GABRB3: variants seen among roughly 807,000 people sequenced by gnomAD.
The protein encoded by GABRB3 is gamma-aminobutyric acid receptor subunit beta-3.
A neutral mutation model predicts 52.1 loss-of-function variants in GABRB3; 14 were observed. The ratio of observed to expected loss-of-function variants is 0.27; its 90% CI spans 0.18 to 0.42. GABRB3 has a LOEUF of 0.42. Among genes scored for constraint, GABRB3 ranks in the 10% least tolerant of loss-of-function variants. The pLI is 1.00. For synonymous variants in GABRB3, 260 were observed against 232.3 expected, an observed-to-expected ratio of 1.12 and a Z score of -1.08; for missense variants, 307 against 609.1, an observed-to-expected ratio of 0.50 and a Z score of 5.22.
chr15:26,552,966 A>G (rs533243188), intron 8 of GABRB3, among the ~76,000 whole-genome samples: 1 of 152,286 alleles, frequency 6.6e-6, no homozygotes, highest in South Asian at 2.1e-4. Context: ...GAGAAAGCAT[A>G]TTTGGTTACC....
intron 4 of GABRB3, among the ~76,000 whole-genome samples, chr15:26,593,058 G>A (rs1891265075): frequency 6.6e-6 from 1 of 152,032 alleles, no homozygotes; most frequent in African/African-American, 2.4e-5. Flanking sequence ...AATTGGGTGG[G>A]TCTTTCATTC....
intron 4 of GABRB3, among the ~76,000 whole-genome samples, chr15:26,607,863 A>T (rs573346923): frequency 6.6e-6 from 1 of 152,170 alleles, no homozygotes; most frequent in Non-Finnish European, 1.5e-5. Context: ...TATTAGAAGG[A>T]TTACTATTAT....
In GABRB3 at chr15:26,747,879, T is replaced by C. The variant is rs189249319; in HGVS notation, c.240+24523A>G. 3.5e-4 allele frequency among the ~76,000 whole-genome samples: 53 copies of C among 152,122 alleles called. No individual in the cohort carries two copies. In the East Asian group the frequency reaches 0.01, roughly 29 times the overall value. On this transcript the variant is annotated intron_variant, in intron 3 of 8. Transcript: ENST00000311550. ...GAAATTCTCCCCTATTCTTTTTTTT[T>C]CTGTAAAAGTCTTGATAATTTATTT...
intron 3 of GABRB3, chr15:26,625,369 T>C (rs1050749313): frequency 3.6e-6 from 2 of 561,818 alleles, no homozygotes; most frequent in African/African-American, 4.1e-5. Flanking sequence ...AGAAAGAAGC[T>C]TTGTAAAAGT....
intron 3 of GABRB3, among the ~76,000 whole-genome samples, chr15:26,702,296 C>T (rs552703411): frequency 2.2e-4 from 33 of 152,240 alleles, no homozygotes; most frequent in Middle Eastern, 3.4e-3. Context: ...AAAACACAGA[C>T]TGGGAAAGAA....
Position 26,580,622 on chromosome 15 carries a change from T to C in GABRB3, c.545-166A>G, listed in dbSNP as rs994139814. 7.9e-6 allele frequency: 7 copies of C among 883,376 alleles called. No homozygotes were observed. The African/African-American group carries it at 9.9e-5, about 13-fold the overall frequency. 54.7% of individuals were successfully genotyped at this position (883,376 alleles called of 1,614,324 possible). Reference sequence around the variant, plus strand: ...TCATCAAAGAACTAACTTTCCAATATTCTCATGTTACTGCTGCCATTTTAT... The same window carrying C: ...TCATCAAAGAACTAACTTTCCAATACTCTCATGTTACTGCTGCCATTTTAT... On this transcript the variant is annotated intron_variant, in intron 5 of 8. Coordinates refer to ENST00000311550, the MANE Select transcript of GABRB3 (RefSeq NM_000814.6).
intron 3 of GABRB3, among the ~76,000 whole-genome samples, chr15:26,745,643 G>A (rs769013049): frequency 1.3e-5 from 2 of 152,042 alleles, no homozygotes; most frequent in Non-Finnish European, 2.9e-5. Flanking sequence ...ACTGGCCTCC[G>A]CCATCTATCA....
At chr15:26,769,663 G>A (rs1053954052) in intron 3 of GABRB3, among the ~76,000 whole-genome samples, 7 of 152,050 alleles carry the variant, frequency 4.6e-5, no homozygotes, top group African/African-American at 1.7e-4. Context: ...AAGCCAGTCA[G>A]AATTCTATTC....
chr15:26,572,045 AAG>A (rs1890422176), intron 6 of GABRB3, among the ~76,000 whole-genome samples: 1 of 145,522 alleles, frequency 6.9e-6, no homozygotes. Flanking sequence ...ACTCCGTCTC[AAG>A]AAAAAAAAAA....
chr15:26,659,607 A>G (rs974346650), intron 3 of GABRB3, among the ~76,000 whole-genome samples: 2 of 152,234 alleles, frequency 1.3e-5, no homozygotes, highest in African/African-American at 4.8e-5. Context: ...TCTTGAGACT[A>G]TTTTCAACAA....
intron 3 of GABRB3, among the ~76,000 whole-genome samples, chr15:26,641,870 T>G (rs1028039006): frequency 6.6e-6 from 1 of 151,990 alleles, no homozygotes; most frequent in African/African-American, 2.4e-5. Flanking sequence ...TATACACAGA[T>G]TGTTTTACTT....
intron 3 of GABRB3, among the ~76,000 whole-genome samples, chr15:26,711,555 T>C (rs915144024): frequency 2.6e-5 from 4 of 152,158 alleles, no homozygotes; most frequent in Non-Finnish European, 5.9e-5. Flanking sequence ...GGCTCTTATC[T>C]AGATTTGTCA....
chr15:26,710,599 C>T (rs868162758), intron 3 of GABRB3, among the ~76,000 whole-genome samples: 21 of 152,162 alleles, frequency 1.4e-4, no homozygotes, highest in African/African-American at 3.9e-4. Flanking sequence ...CATACAGTAA[C>T]GCTATGTTTA....
At chr15:26,709,730 G>GAT (rs1206415005) in intron 3 of GABRB3, among the ~76,000 whole-genome samples, 1 of 151,850 alleles carries the variant, frequency 6.6e-6, no homozygotes, top group Non-Finnish European at 1.5e-5. Flanking sequence ...TGTTAGCCAG[G>GAT]ATGGTCTCAA....
intron 3 of GABRB3, among the ~76,000 whole-genome samples, chr15:26,745,438 T>C (rs1890312500): frequency 6.6e-6 from 1 of 152,174 alleles, no homozygotes; most frequent in Non-Finnish European, 1.5e-5. Context: ...TATGGTACAA[T>C]CCACGACCTC....
At chr15:26,595,790 A>G (rs1427651839) in intron 4 of GABRB3, among the ~76,000 whole-genome samples, 1 of 152,194 alleles carries the variant, frequency 6.6e-6, no homozygotes, top group Non-Finnish European at 1.5e-5. Context: ...AGCCTGGACC[A>G]TAAATCCTGC....
intron 3 of GABRB3, among the ~76,000 whole-genome samples, chr15:26,752,652 T>C (rs965677704): frequency 6.6e-6 from 1 of 152,188 alleles, no homozygotes; most frequent in Admixed American, 6.5e-5. Context: ...CAGGCCTTGA[T>C]GTGTCTACAC....
chr15:26,724,917 C>G (rs1268514322), intron 3 of GABRB3, among the ~76,000 whole-genome samples: 2 of 152,158 alleles, frequency 1.3e-5, no homozygotes, highest in Admixed American at 6.5e-5. Flanking sequence ...AGGCTGCAAC[C>G]CTTTATGAGA....
chr15:26,625,043 A>G, intron 3 of GABRB3: 1 of 825,876 alleles, frequency 1.2e-6, no homozygotes, highest in Non-Finnish European at 1.5e-6. Context: ...AAAATTGAAG[A>G]GCTGAAGTAA....
Sources: gnomAD v4.1 joint callset for allele counts (sites outside exome capture counted in the v4.1 genomes callset) on GRCh38, gnomAD v4.1.1 for gene constraint, MANE v1.5 for transcripts, NCBI Gene and HGNC (gene_info 2026-07-23, HGNC 2026-07-21) for gene names.